ZFAND3: variants seen among roughly 807,000 people sequenced by gnomAD.
The protein encoded by ZFAND3 is AN1-type zinc finger protein 3.
In ZFAND3, 10 loss-of-function variants were observed where a neutral mutation model predicts 29.6. That is an observed-to-expected ratio of 0.34 (90% CI 0.21 to 0.57). The LOEUF is 0.57. Among genes scored for constraint, ZFAND3 ranks in the 20% least tolerant of loss-of-function variants. The pLI is 0.86. For synonymous variants in ZFAND3, 128 were observed against 112.6 expected, an observed-to-expected ratio of 1.14 and a Z score of -0.87; for missense variants, 230 against 304.5, an observed-to-expected ratio of 0.76 and a Z score of 1.82.
intron 1 of ZFAND3, among the ~76,000 whole-genome samples, chr6:37,896,964 T>G (rs1195278514): frequency 3.3e-5 from 5 of 152,162 alleles, no homozygotes; most frequent in Admixed American, 3.3e-4. Context: ...TAAGTTTTTT[T>G]TCCCTAGAAG....
At chr6:38,009,333 C>T (rs1763106130) in intron 2 of ZFAND3, among the ~76,000 whole-genome samples, 1 of 152,158 alleles carries the variant, frequency 6.6e-6, no homozygotes, top group Non-Finnish European at 1.5e-5. Context: ...GGCTTTATTT[C>T]TCACTGACAT....
chr6:37,996,667 G>GA (rs1409898155), intron 2 of ZFAND3, among the ~76,000 whole-genome samples: 1 of 152,024 alleles, frequency 6.6e-6, no homozygotes, highest in African/African-American at 2.4e-5. Context: ...TATTGTAAGA[G>GA]AAAAAATTTA....
intron 1 of ZFAND3, among the ~76,000 whole-genome samples, chr6:37,887,902 G>A (rs1389786939): frequency 2.0e-5 from 3 of 152,186 alleles, no homozygotes; most frequent in Non-Finnish European, 2.9e-5. Flanking sequence ...ACAAAGTCAT[G>A]CTATCTCAAG....
At chr6:37,922,303 G>A (rs907695317) in intron 1 of ZFAND3, among the ~76,000 whole-genome samples, 2 of 151,998 alleles carry the variant, frequency 1.3e-5, no homozygotes, top group Admixed American at 1.3e-4. Context: ...AGGAAAAATT[G>A]GGGAAAAACA....
intron 1 of ZFAND3, among the ~76,000 whole-genome samples, chr6:37,845,018 C>T (rs1424727682): frequency 1.7e-4 from 25 of 146,032 alleles, no homozygotes; most frequent in East Asian, 5.9e-4. Flanking sequence ...AGCAAGACTC[C>T]GTCTCAAAAA....
At chr6:37,930,047 T>C in intron 2 of ZFAND3, 48 bp downstream of exon 2, 1 of 1,240,684 alleles carries the variant, frequency 8.1e-7, no homozygotes, top group South Asian at 1.6e-5. Flanking sequence ...TTTTCTTTCT[T>C]TTTTTTTTTT....
intron 2 of ZFAND3, among the ~76,000 whole-genome samples, chr6:38,016,183 T>A (rs1027441702): frequency 6.6e-6 from 1 of 152,184 alleles, no homozygotes; most frequent in African/African-American, 2.4e-5. Flanking sequence ...CCATCTGACT[T>A]TGGGCTTTAG....
intron 1 of ZFAND3, among the ~76,000 whole-genome samples, chr6:37,832,101 A>T (rs985502462): frequency 3.9e-5 from 6 of 152,114 alleles, no homozygotes; most frequent in African/African-American, 1.2e-4. Flanking sequence ...AAAACAAAAC[A>T]CTTGTAATTA....
chr6:38,060,948 T>G (rs1057275530), intron 2 of ZFAND3, among the ~76,000 whole-genome samples: 4 of 152,216 alleles, frequency 2.6e-5, no homozygotes, highest in Non-Finnish European at 5.9e-5. Flanking sequence ...TATTGTATTT[T>G]TGATCTGCAT....
intron 1 of ZFAND3, among the ~76,000 whole-genome samples, chr6:37,857,792 A>C (rs1764411540): frequency 6.6e-6 from 1 of 152,224 alleles, no homozygotes; most frequent in Non-Finnish European, 1.5e-5. Flanking sequence ...TGATGGCTTG[A>C]ATGCCAGATG....
At chr6:37,905,604 T>G (rs995550442) in intron 1 of ZFAND3, among the ~76,000 whole-genome samples, 1 of 152,178 alleles carries the variant, frequency 6.6e-6, no homozygotes, top group African/African-American at 2.4e-5. Flanking sequence ...TCAGGACATT[T>G]TGCGGAAGGT....
intron 2 of ZFAND3, among the ~76,000 whole-genome samples, chr6:38,002,123 A>G (rs1056736318): frequency 3.3e-5 from 5 of 152,286 alleles, no homozygotes; most frequent in African/African-American, 1.2e-4. Flanking sequence ...CCTTAAGAAG[A>G]TATACTATAA....
chr6:37,827,039 G>C (rs960392550), intron 1 of ZFAND3, among the ~76,000 whole-genome samples: 59 of 152,160 alleles, frequency 3.9e-4, no homozygotes, highest in African/African-American at 1.3e-3. Context: ...TTTCAAGCCT[G>C]TTTTCTTGTG....
chr6:38,012,629 G>A (rs765362891), intron 2 of ZFAND3, among the ~76,000 whole-genome samples: 3 of 152,004 alleles, frequency 2.0e-5, no homozygotes, highest in Non-Finnish European at 2.9e-5. Context: ...CAGCCGCCTC[G>A]GCCTTCCAAA....
intron 1 of ZFAND3, among the ~76,000 whole-genome samples, chr6:37,865,890 G>C (rs533680711): frequency 1.3e-5 from 2 of 152,304 alleles, no homozygotes; most frequent in Admixed American, 6.5e-5. Flanking sequence ...GAAACTAGGA[G>C]TGGGGCTTTC....
chr6:38,136,052 G>A (rs184062607), intron 5 of ZFAND3, among the ~76,000 whole-genome samples: 1 of 152,270 alleles, frequency 6.6e-6, no homozygotes, highest in Admixed American at 6.5e-5. Flanking sequence ...AATGGAGGCG[G>A]GGCAAAAATG....
intron 2 of ZFAND3, among the ~76,000 whole-genome samples, chr6:37,963,769 G>T (rs879680872): frequency 3.4e-4 from 52 of 151,966 alleles, no homozygotes; most frequent in Non-Finnish European, 1.5e-4. Context: ...TCTCAATCTA[G>T]AATTTAAAGA....
chr6:38,052,482 T>C (rs1764045529), intron 2 of ZFAND3, among the ~76,000 whole-genome samples: 1 of 152,204 alleles, frequency 6.6e-6, no homozygotes, highest in South Asian at 2.1e-4. Context: ...TTTTCAACTT[T>C]GTGTGTTCAT....
At chr6:38,046,678 C>G (rs1242881803) in intron 2 of ZFAND3, among the ~76,000 whole-genome samples, 1 of 152,162 alleles carries the variant, frequency 6.6e-6, no homozygotes, top group African/African-American at 2.4e-5. Context: ...GACTCGTAAT[C>G]AGTAAAAGAT....
Sources: allele counts gnomAD v4.1 joint callset (sites outside exome capture counted in the v4.1 genomes callset), GRCh38; gene constraint gnomAD v4.1.1; transcripts MANE v1.5; gene names NCBI Gene and HGNC (gene_info 2026-07-23, HGNC 2026-07-21).